C12orf75: variants seen among roughly 807,000 people sequenced by gnomAD.
The protein encoded by C12orf75 is overexpressed in colon carcinoma 1 protein.
A neutral mutation model predicts 11.4 loss-of-function variants in C12orf75; 4 were observed. The ratio of observed to expected loss-of-function variants is 0.35; its 90% CI spans 0.17 to 0.80. The LOEUF is 0.80. Ranked by LOEUF, C12orf75 falls within the 30% of genes least tolerant of loss-of-function variation. The pLI is 0.52. For missense variants in C12orf75, 89 were observed against 80.4 expected (o/e 1.11, Z -0.41); for synonymous variants, 30 against 30.0 (o/e 1.00, Z 0.00).
intron 1 of C12orf75, among the ~76,000 whole-genome samples, chr12:105,345,298 C>T (rs1012112572): frequency 3.3e-5 from 5 of 151,844 alleles, no homozygotes; most frequent in South Asian, 4.2e-4. Flanking sequence ...AGACCAGCCT[C>T]GGCAACATGG....
intron 1 of C12orf75, among the ~76,000 whole-genome samples, chr12:105,333,525 GA>G (rs112926323): frequency 5.3e-5 from 8 of 149,706 alleles, no homozygotes; most frequent in African/African-American, 1.7e-4. Flanking sequence ...AAACTTTTCA[GA>G]AAAAAAAAAT....
rs1566136166 is a variant in C12orf75 at position 105,339,626 on chromosome 12, C to G, written c.46+8689C>G. Among the ~76,000 whole-genome samples the G allele has an allele frequency of 2.7e-5, 4 of 150,490 alleles. No individual in the cohort carries two copies. In the East Asian group the frequency reaches 7.8e-4, roughly 29 times the overall value. ...TGACCTTTTCTTTCTTTCTTTCTTT[C>G]TTTTTTTTTGAGACGGAGTCTTGCT... On this transcript the variant is annotated intron_variant, in intron 1 of 5. Transcript: ENST00000443585.
At chr12:105,335,440 C>T (rs1432590) in intron 1 of C12orf75, among the ~76,000 whole-genome samples, 2,327 of 152,278 alleles carry the variant, frequency 0.015, 58 homozygotes, top group African/African-American at 0.053. Context: ...TTTTATCTTG[C>T]ACTACTCCCC....
At chr12:105,342,757 C>T (rs1210755841) in intron 1 of C12orf75, among the ~76,000 whole-genome samples, 2 of 152,216 alleles carry the variant, frequency 1.3e-5, no homozygotes, top group African/African-American at 4.8e-5. Context: ...TCCTGTCACT[C>T]ATCACTCAGG....
intron 2 of C12orf75, among the ~76,000 whole-genome samples, chr12:105,354,781 C>T (rs929900641): frequency 6.6e-6 from 1 of 152,080 alleles, no homozygotes; most frequent in Non-Finnish European, 1.5e-5. Flanking sequence ...TGGACGGATT[C>T]ATCCAGGGAT....
At chr12:105,349,885 GAA>G (rs1892688755) in intron 2 of C12orf75, among the ~76,000 whole-genome samples, 1 of 151,270 alleles carries the variant, frequency 6.6e-6, no homozygotes, top group South Asian at 2.1e-4. Context: ...TCAAAAAAAA[GAA>G]AAAAAAGAGT....
At chr12:105,366,744 T>C in intron 4 of C12orf75, 48 bp downstream of exon 4, 1 of 1,087,756 alleles carries the variant, frequency 9.2e-7, no homozygotes, top group Non-Finnish European at 1.4e-6. Context: ...TTTATTTTTA[T>C]GTTTTATGAA....
At position 105,330,733 on chromosome 12, in the gene C12orf75, C is replaced by T. The variant is rs1025081854; in HGVS notation, c.-159C>T. Reference sequence around the variant, plus strand: ...CCGCAGCCCGCTGCGCCCCGGGCCGCGTCTCCCGGCGGTGGGAGGGGGCGG... The same window carrying T: ...CCGCAGCCCGCTGCGCCCCGGGCCGTGTCTCCCGGCGGTGGGAGGGGGCGG... On this transcript the variant is annotated 5_prime_UTR_variant, in exon 1 of 6. Transcript: ENST00000443585. 3.1e-6 allele frequency: 2 copies of T among 636,694 alleles called. No homozygotes were observed. Among genetic ancestry groups the T allele is most frequent in the Non-Finnish European group, 4.3e-6 (2 of 467,422 alleles). 39.4% of individuals were successfully genotyped at this position (636,694 alleles called of 1,614,324 possible).
intron 1 of C12orf75, among the ~76,000 whole-genome samples, chr12:105,341,919 C>T (rs1471636663): frequency 6.6e-6 from 1 of 152,186 alleles, no homozygotes; most frequent in Admixed American, 6.5e-5. Flanking sequence ...GGGAGTTCCC[C>T]TGCACAAGCT....
intron 1 of C12orf75, among the ~76,000 whole-genome samples, chr12:105,341,822 G>C (rs1378874076): frequency 6.6e-6 from 1 of 152,226 alleles, no homozygotes; most frequent in Non-Finnish European, 1.5e-5. Flanking sequence ...GGCTGGGCCA[G>C]ATGGAGGTAA....
At chr12:105,341,514 A>C (rs1431891748) in intron 1 of C12orf75, among the ~76,000 whole-genome samples, 1 of 152,138 alleles carries the variant, frequency 6.6e-6, no homozygotes, top group Non-Finnish European at 1.5e-5. Flanking sequence ...GGTCTTCACA[A>C]ATCTCTTCAG....
chr12:105,331,844 C>A (rs1261161772), intron 1 of C12orf75, among the ~76,000 whole-genome samples: 2 of 152,158 alleles, frequency 1.3e-5, no homozygotes, highest in African/African-American at 4.8e-5. Flanking sequence ...CTATCTCCTC[C>A]AATTGAAGTC....
At chr12:105,354,441 G>A (rs1420174989) in intron 2 of C12orf75, among the ~76,000 whole-genome samples, 2 of 152,168 alleles carry the variant, frequency 1.3e-5, no homozygotes, top group Non-Finnish European at 2.9e-5. Flanking sequence ...GAATAATGAT[G>A]TTTCATTTTA....
chr12:105,366,806 GC>G, intron 4 of C12orf75, 110 bp downstream of exon 4: 4 of 678,904 alleles, frequency 5.9e-6, no homozygotes, highest in Non-Finnish European at 7.8e-6. Flanking sequence ...TGTATTGGTT[GC>G]AGTGAACCAT....
chr12:105,332,644 T>C (rs909801532), intron 1 of C12orf75, among the ~76,000 whole-genome samples: 11 of 151,512 alleles, frequency 7.3e-5, no homozygotes, highest in African/African-American at 2.4e-4. Flanking sequence ...GGCACGAGAA[T>C]TGCTTGAACC....
At chr12:105,344,524 CT>C (rs1892611863) in intron 1 of C12orf75, among the ~76,000 whole-genome samples, 1 of 152,132 alleles carries the variant, frequency 6.6e-6, no homozygotes, top group South Asian at 2.1e-4. Flanking sequence ...AGGTGGATCA[CT>C]TGAGGTCAGG....
At chr12:105,367,058 C>G (rs1871498946) in intron 4 of C12orf75, among the ~76,000 whole-genome samples, 1 of 152,106 alleles carries the variant, frequency 6.6e-6, no homozygotes, top group South Asian at 2.1e-4. Context: ...AAGCAATCTG[C>G]TGTTTAAAGG....
chr12:105,339,640 C>T (rs568508841), intron 1 of C12orf75, among the ~76,000 whole-genome samples: 21 of 151,130 alleles, frequency 1.4e-4, no homozygotes, highest in Non-Finnish European at 2.2e-4. Context: ...TTTTTTGAGA[C>T]GGAGTCTTGC....
intron 5 of C12orf75, among the ~76,000 whole-genome samples, chr12:105,368,505 A>G (rs935154886): frequency 6.6e-6 from 1 of 152,192 alleles, no homozygotes; most frequent in South Asian, 2.1e-4. Flanking sequence ...TGTTGTTAGG[A>G]TTAAATATGA....
Sources: gnomAD v4.1 joint callset for allele counts (sites outside exome capture counted in the v4.1 genomes callset) on GRCh38, gnomAD v4.1.1 for gene constraint, MANE v1.5 for transcripts, NCBI Gene and HGNC (gene_info 2026-07-23, HGNC 2026-07-21) for gene names.